PPP2R3B: variants seen among roughly 807,000 people sequenced by gnomAD.
PPP2R3B encodes serine/threonine-protein phosphatase 2A regulatory subunit B'' subunit beta.
A neutral mutation model predicts 72.9 loss-of-function variants in PPP2R3B; 68 were observed. That is an observed-to-expected ratio of 0.93 (90% CI 0.77 to 1.14). PPP2R3B has a LOEUF of 1.14. Ranked by LOEUF, PPP2R3B falls within the 50% of genes most tolerant of loss-of-function variation. The pLI is 0.00. For missense variants in PPP2R3B, 1,018 were observed against 842.0 expected (o/e 1.21, Z -2.59); for synonymous variants, 466 against 375.8 (o/e 1.24, Z -2.78).
At chrX:337,681 C>G (rs1329189570) in intron 12 of PPP2R3B, 5 of 152,334 alleles carry the variant, frequency 3.3e-5, no homozygotes, top group African/African-American at 7.2e-5. Context: ...TTCCACACGG[C>G]GCCCAAGTCG....
At chrX:355,795 CTGAGGTAGCGTGGGA>C (rs1437787600) in intron 2 of PPP2R3B, among the ~76,000 whole-genome samples, 1 of 152,152 alleles carries the variant, frequency 6.6e-6, no homozygotes, top group Non-Finnish European at 1.5e-5. Flanking sequence ...GAAAGGAGGC[CTGAGGTAGCGTGGGA>C]TGAGGGCAGG....
At chrX:373,339 C>G (rs2071908054) in intron 1 of PPP2R3B, among the ~76,000 whole-genome samples, 1 of 152,212 alleles carries the variant, frequency 6.6e-6, no homozygotes, top group Non-Finnish European at 1.5e-5. Flanking sequence ...CGGTTTTCGG[C>G]GGCGTGCGGC....
chrX:338,745 G>A (rs765850231), intron 11 of PPP2R3B, 33 bp downstream of exon 11: 3 of 1,611,640 alleles, frequency 1.9e-6, no homozygotes, highest in East Asian at 4.5e-5. Flanking sequence ...ACACGGCGTG[G>A]CGCGGCCCGG....
At chrX:352,527 T>C (rs1603069891) in intron 2 of PPP2R3B, among the ~76,000 whole-genome samples, 1 of 152,054 alleles carries the variant, frequency 6.6e-6, no homozygotes, top group East Asian at 1.9e-4. Context: ...TTGCTCTGTG[T>C]GGATCGTCTG....
intron 7 of PPP2R3B, chrX:345,154 T>C (rs1259429054): frequency 5.3e-5 from 28 of 525,706 alleles, no homozygotes; most frequent in Non-Finnish European, 9.9e-5. Context: ...CCTTGGGGGC[T>C]GGAACCTGGA....
At position 346,682 on chromosome X, in the gene PPP2R3B, C is replaced by T. The variant is rs2071222818; in HGVS notation, c.792+19G>A. 2 of 1,598,028 alleles carry T rather than the reference C, an allele frequency of 1.3e-6. No individual in the cohort carries two copies. Among genetic ancestry groups the T allele is most frequent in the Non-Finnish European group, 1.7e-6 (2 of 1,170,018 alleles). ...CGCGCCCCGCGCTGGAACCGACGGC[C>T]CCTCCGCTGGGGACCCACCGTGGTG... On this transcript the variant is annotated intron_variant, in intron 5 of 12. Coordinates refer to ENST00000390665, the MANE Select transcript of PPP2R3B (RefSeq NM_013239.5).
chrX:335,150 C>G (rs751697726), intron 12 of PPP2R3B: 1 of 152,446 alleles, frequency 6.6e-6, no homozygotes, highest in East Asian at 1.9e-4. Context: ...TGAGCTCCCA[C>G]TGCCGGAGCA....
At chrX:350,854 T>C (rs932363603) in intron 2 of PPP2R3B, among the ~76,000 whole-genome samples, 1 of 151,746 alleles carries the variant, frequency 6.6e-6, no homozygotes, top group Non-Finnish European at 1.5e-5. Context: ...AGCACACCAG[T>C]GGGAAGAGGG....
At chrX:358,015 T>C (rs950572584) in intron 2 of PPP2R3B, among the ~76,000 whole-genome samples, 16 of 152,226 alleles carry the variant, frequency 1.1e-4, no homozygotes, top group African/African-American at 3.1e-4. Context: ...ACGTGAGTTC[T>C]CAAGCAGCCG....
intron 5 of PPP2R3B, chrX:346,484 G>T: frequency 1.6e-6 from 1 of 629,606 alleles, no homozygotes; most frequent in Non-Finnish European, 2.7e-6. Flanking sequence ...ACGGGCCCAG[G>T]ACAGGTGGGA....
intron 5 of PPP2R3B, 42 bp downstream of exon 5, chrX:346,659 C>T (rs1292229703): frequency 3.2e-6 from 5 of 1,565,748 alleles, no homozygotes; most frequent in African/African-American, 1.4e-5. Flanking sequence ...GAAACACCCG[C>T]GCCCCGCGCT....
chrX:381,520 C>A (rs190344300), intron 1 of PPP2R3B, among the ~76,000 whole-genome samples: 12 of 151,752 alleles, frequency 7.9e-5, no homozygotes, highest in Admixed American at 7.9e-4. Flanking sequence ...GAGTTTGTAG[C>A]ATGGAACTGC....
chrX:346,990 T>G (rs2071231678), intron 4 of PPP2R3B, among the ~76,000 whole-genome samples: 1 of 140,292 alleles, frequency 7.1e-6, no homozygotes, highest in African/African-American at 2.7e-5. Flanking sequence ...CCGTGAGGTG[T>G]GCAGTGTAGA....
chrX:363,098 C>T (rs987417297), intron 1 of PPP2R3B, among the ~76,000 whole-genome samples: 4 of 152,088 alleles, frequency 2.6e-5, no homozygotes, highest in African/African-American at 9.7e-5. Flanking sequence ...GCAGAGCAGG[C>T]TTCCCGCAGT....
intron 1 of PPP2R3B, among the ~76,000 whole-genome samples, chrX:367,021 C>A (rs749730066): frequency 6.8e-6 from 1 of 146,710 alleles, no homozygotes; most frequent in Non-Finnish European, 1.5e-5. Context: ...GAGTGAGACT[C>A]TGTCTCAAAA....
At chrX:346,657 C>CGCGCTGCA in intron 5 of PPP2R3B, 44 bp downstream of exon 5, 1 of 1,560,220 alleles carries the variant, frequency 6.4e-7, no homozygotes, top group Non-Finnish European at 8.8e-7. Flanking sequence ...CAGAAACACC[C>CGCGCTGCA]GCGCCCCGCG....
intron 10 of PPP2R3B, 36 bp from the exon 11 acceptor site, chrX:338,932 C>A: frequency 6.4e-7 from 1 of 1,572,288 alleles, no homozygotes; most frequent in East Asian, 2.2e-5. Context: ...GCGCGTGAGC[C>A]CGGTCTCACC....
chrX:355,678 C>T (rs1357915266), intron 2 of PPP2R3B, among the ~76,000 whole-genome samples: 4 of 151,740 alleles, frequency 2.6e-5, no homozygotes, highest in East Asian at 1.9e-4. Flanking sequence ...CAAATGGTTA[C>T]GGTGGTGAAT....
intron 7 of PPP2R3B, among the ~76,000 whole-genome samples, chrX:344,134 G>C (rs1274304339): frequency 2.5e-5 from 3 of 121,628 alleles, no homozygotes; most frequent in South Asian, 3.0e-4. Flanking sequence ...CGGGAGGCGG[G>C]AGGGAGACCT....
Sources: allele counts gnomAD v4.1 joint callset (sites outside exome capture counted in the v4.1 genomes callset), GRCh38; gene constraint gnomAD v4.1.1; transcripts MANE v1.5; gene names NCBI Gene and HGNC (gene_info 2026-07-23, HGNC 2026-07-21).